The following SCAI variants were observed in gnomAD, a reference collection of about 807,000 sequenced individuals.
SCAI encodes protein SCAI.
SCAI carries 24 observed loss-of-function variants against 92.2 expected under a neutral mutation model. The ratio of observed to expected loss-of-function variants is 0.26; its 90% CI spans 0.19 to 0.37. SCAI has a LOEUF of 0.37. Ranked by LOEUF, SCAI falls within the 10% of genes least tolerant of loss-of-function variation. SCAI has a pLI of 1.00. For synonymous variants in SCAI, 261 were observed against 258.6 expected (o/e 1.01, Z -0.09); for missense variants, 450 against 736.2 (o/e 0.61, Z 4.50).
In SCAI at chr9:124,945,831, C is replaced by T. The variant is rs1831137072; in HGVS notation, c.*6976G>A. On this transcript the variant is annotated 3_prime_UTR_variant, in exon 18 of 18. Transcript: ENST00000336505. Reference sequence around the variant, plus strand: ...AGCTGGAACATAGTGTAGTATTAGGCTTTGAAATTCTAGTTTGAGGAAGAT... The same window carrying T: ...AGCTGGAACATAGTGTAGTATTAGGTTTTGAAATTCTAGTTTGAGGAAGAT... 6.6e-6 allele frequency: 1 copy of T among 152,014 alleles called. No homozygotes were observed. Among genetic ancestry groups the T allele is most frequent in the African/African-American group, 2.4e-5 (1 of 41,404 alleles). The allele number at this position is 152,014 out of a possible 1,614,324, so 9.4% of individuals were successfully genotyped here. A position where few individuals can be genotyped will look rare whatever the true frequency, so the allele number is the denominator to read the frequency against.
At chr9:125,062,353 T>C (rs1833785824) in intron 2 of SCAI, among the ~76,000 whole-genome samples, 2 of 151,162 alleles carry the variant, frequency 1.3e-5, no homozygotes, top group South Asian at 2.1e-4. Flanking sequence ...CTCAAACTCA[T>C]GGACTCAAGT....
chr9:124,962,121 T>C (rs1831447457), intron 17 of SCAI, among the ~76,000 whole-genome samples: 1 of 150,364 alleles, frequency 6.7e-6, no homozygotes, highest in African/African-American at 2.4e-5. Flanking sequence ...ATATAATGAG[T>C]TTGCTTTTTC....
intron 14 of SCAI, among the ~76,000 whole-genome samples, chr9:124,979,242 A>G (rs1318279579): frequency 1.3e-5 from 2 of 151,990 alleles, no homozygotes; most frequent in Admixed American, 1.3e-4. Context: ...TAAGAAAACT[A>G]AAGACTATTT....
At chr9:124,976,681 T>C (rs550252919) in intron 14 of SCAI, among the ~76,000 whole-genome samples, 1 of 152,312 alleles carries the variant, frequency 6.6e-6, no homozygotes, top group East Asian at 1.9e-4. Context: ...CAAACTAAAG[T>C]ACTCTACATA....
At chr9:125,047,970 G>C (rs1397050381) in intron 3 of SCAI, among the ~76,000 whole-genome samples, 1 of 151,832 alleles carries the variant, frequency 6.6e-6, no homozygotes, top group Non-Finnish European at 1.5e-5. Flanking sequence ...ATTAGTCATT[G>C]ATTTTCTTTT....
chr9:125,120,610 T>C (rs1369123544), intron 2 of SCAI, among the ~76,000 whole-genome samples: 1 of 152,130 alleles, frequency 6.6e-6, no homozygotes, highest in Non-Finnish European at 1.5e-5. Flanking sequence ...GGAGAATCAC[T>C]TGAACCCAGG....
At chr9:125,042,015 C>CT (rs1308189957) in intron 3 of SCAI, among the ~76,000 whole-genome samples, 8 of 152,108 alleles carry the variant, frequency 5.3e-5, no homozygotes, top group Non-Finnish European at 8.8e-5. Context: ...GAGCTTGACT[C>CT]TGATTTTAAA....
At position 125,003,389 on chromosome 9, in the gene SCAI, T is replaced by A; in HGVS notation, c.963+80A>T. 4 of 1,059,620 alleles carry A rather than the reference T, an allele frequency of 3.8e-6. No homozygotes were observed. In the South Asian group the frequency reaches 3.8e-5, roughly 10 times the overall value. The allele number at this position is 1,059,620 out of a possible 1,614,324, so 65.6% of individuals were successfully genotyped here. A position where few individuals can be genotyped will look rare whatever the true frequency, so the allele number is the denominator to read the frequency against. On this transcript the variant is annotated intron_variant, in intron 10 of 17. Coordinates refer to ENST00000336505, the MANE Select transcript of SCAI (RefSeq NM_001144877.3). ...GAATTCTTTATTCAAGGCTGTAGTA[T>A]CTGTTGAATAATCAGCGTTCCAACA...
chr9:124,957,660 G>A (rs1410332485), intron 17 of SCAI, among the ~76,000 whole-genome samples: 4 of 144,460 alleles, frequency 2.8e-5, no homozygotes, highest in South Asian at 2.2e-4. Context: ...GTGAGGTACC[G>A]CGCCTGGCCA....
At chr9:125,013,761 A>G (rs2131061615) in intron 9 of SCAI, among the ~76,000 whole-genome samples, 1 of 152,328 alleles carries the variant, frequency 6.6e-6, no homozygotes. Flanking sequence ...CTTGATGAAC[A>G]TCAATGCAAA....
intron 6 of SCAI, among the ~76,000 whole-genome samples, chr9:125,022,798 T>C (rs958400059): frequency 2.0e-5 from 3 of 152,180 alleles, no homozygotes; most frequent in Non-Finnish European, 1.5e-5. Flanking sequence ...ACAGGGAAGT[T>C]TAGATCATTT....
At chr9:124,962,014 T>C (rs895102203) in intron 17 of SCAI, among the ~76,000 whole-genome samples, 12 of 152,122 alleles carry the variant, frequency 7.9e-5, no homozygotes, top group African/African-American at 2.9e-4. Context: ...CGTGTTAACA[T>C]TTTTAAAGCC....
At chr9:125,026,610 A>G (rs909194117) in intron 6 of SCAI, among the ~76,000 whole-genome samples, 1 of 152,176 alleles carries the variant, frequency 6.6e-6, no homozygotes, top group Admixed American at 6.5e-5. Flanking sequence ...GCATTGTGAC[A>G]TCTGTTAAAC....
chr9:125,141,554 T>C (rs778310254), intron 2 of SCAI, among the ~76,000 whole-genome samples: 2 of 152,262 alleles, frequency 1.3e-5, no homozygotes, highest in Non-Finnish European at 2.9e-5. Flanking sequence ...TAATTCACTT[T>C]GTTTGTGGAC....
At chr9:125,092,048 T>C (rs1834438688) in intron 2 of SCAI, among the ~76,000 whole-genome samples, 1 of 145,508 alleles carries the variant, frequency 6.9e-6, no homozygotes, top group South Asian at 2.1e-4. Context: ...GAGAATGGCG[T>C]GAACCCAGGA....
chr9:124,983,952 C>T (rs1293451692), intron 14 of SCAI, among the ~76,000 whole-genome samples: 1 of 152,148 alleles, frequency 6.6e-6, no homozygotes, highest in Non-Finnish European at 1.5e-5. Flanking sequence ...AACGTATACA[C>T]ATAAAATGCT....
At chr9:124,953,046 T>C in intron 17 of SCAI, 93 bp from the exon 18 acceptor site, 2 of 997,326 alleles carry the variant, frequency 2.0e-6, no homozygotes, top group Non-Finnish European at 3.1e-6. Flanking sequence ...ATATGTATTT[T>C]CACTTTTATA....
At chr9:125,052,506 G>A (rs972883176) in intron 3 of SCAI, among the ~76,000 whole-genome samples, 10 of 151,956 alleles carry the variant, frequency 6.6e-5, no homozygotes, top group Non-Finnish European at 8.8e-5. Context: ...GAATCGCTTG[G>A]AGGCAGGAGA....
rs1277314793 is a variant in SCAI at position 124,950,218 on chromosome 9, TGGTTGGAGTGGGGAA to T, written c.*2574_*2588del. 1 of 152,060 alleles carries T rather than the reference TGGTTGGAGTGGGGAA, an allele frequency of 6.6e-6. No individual in the cohort carries two copies. Among genetic ancestry groups the T allele is most frequent in the African/African-American group, 2.4e-5 (1 of 41,400 alleles). 9.4% of individuals were successfully genotyped at this position (152,060 alleles called of 1,614,324 possible). A position where few individuals can be genotyped will look rare whatever the true frequency, so the allele number is the denominator to read the frequency against. On this transcript the variant is annotated 3_prime_UTR_variant, in exon 18 of 18. Coordinates refer to ENST00000336505, the MANE Select transcript of SCAI (RefSeq NM_001144877.3). ...CAAACAGGGTAAATAGTTCTCTTGG[TGGTTGGAGTGGGGAA>T]ATCAATATTTTTGGAACCAAGAGTC...
Sources: gnomAD v4.1 joint callset for allele counts (sites outside exome capture counted in the v4.1 genomes callset) on GRCh38, gnomAD v4.1.1 for gene constraint, MANE v1.5 for transcripts, NCBI Gene and HGNC (gene_info 2026-07-23, HGNC 2026-07-21) for gene names.